Variants in GNAI1 observed in about 807,000 individuals in gnomAD.
GNAI1 encodes the protein G protein subunit alpha i1.
Under a neutral mutation model 38.9 loss-of-function variants are expected in GNAI1, and 11 were observed. The ratio of observed to expected loss-of-function variants is 0.28; its 90% CI spans 0.18 to 0.47. The LOEUF (loss-of-function observed/expected upper bound fraction) is 0.47, where lower values mean the gene tolerates loss of function less well. Ranked by LOEUF, GNAI1 falls within the 20% of genes least tolerant of loss-of-function variation. GNAI1 has a pLI of 0.99. For missense variants in GNAI1, 317 were observed against 436.9 expected, an observed-to-expected ratio of 0.73 and a Z score of 2.45; for synonymous variants, 166 against 145.1, an observed-to-expected ratio of 1.14 and a Z score of -1.04.
chr7:80,180,791 A>G (rs1484644085), intron 1 of GNAI1, among the ~76,000 whole-genome samples: 2 of 152,108 alleles, frequency 1.3e-5, no homozygotes, highest in East Asian at 1.9e-4. Flanking sequence ...TTTAACTCTC[A>G]AAAGTCCCTA....
At position 80,224,792 on chromosome 7, in the gene GNAI1, A is replaced by G. The variant is rs1789132417; in HGVS notation, c.*7299A>G. On this transcript the variant is annotated 3_prime_UTR_variant, in exon 8 of 8. Transcript: ENST00000649796. ...GTGAGTTGGCCTATTAGTGTAAAAT[A>G]CAAGAGTTCAGATACACAGAATTTA... Among the ~76,000 whole-genome samples the G allele has an allele frequency of 1.3e-5, 2 of 152,232 alleles. No individual in the cohort carries two copies. Among genetic ancestry groups the G allele is most frequent in the African/African-American group, 4.8e-5 (2 of 41,474 alleles).
intron 1 of GNAI1, among the ~76,000 whole-genome samples, chr7:80,163,966 CTTTTTTT>C (rs1313381597): frequency 1.3e-5 from 1 of 75,034 alleles, no homozygotes; most frequent in Non-Finnish European, 2.7e-5. Context: ...CTGGTGCTTT[CTTTTTTT>C]TTTTTTTTTG....
At chr7:80,158,789 C>T (rs1294012965) in intron 1 of GNAI1, among the ~76,000 whole-genome samples, 5 of 152,220 alleles carry the variant, frequency 3.3e-5, no homozygotes, top group Admixed American at 3.3e-4. Flanking sequence ...GCTATTCAAG[C>T]CAGCCTCAGG....
At chr7:80,204,147 G>A (rs1044323236) in intron 5 of GNAI1, among the ~76,000 whole-genome samples, 1 of 149,626 alleles carries the variant, frequency 6.7e-6, no homozygotes, top group Non-Finnish European at 1.5e-5. Context: ...CTGTGTTTTC[G>A]GAAAGTGTTG....
chr7:80,225,930 C>G lies in GNAI1; in HGVS notation c.*8437C>G, dbSNP rs1353024641. 6.6e-6 allele frequency among the ~76,000 whole-genome samples: 1 copy of G among 150,894 alleles called. No homozygotes were observed. Among genetic ancestry groups the G allele is most frequent in the Non-Finnish European group, 1.5e-5 (1 of 67,300 alleles). ...GAGAATGATTATTTTCTACTTGATA[C>G]AGTGTGCATCAAATAAAAGTTTACT... is the stretch of plus-strand genomic sequence containing the variant. On this transcript the variant is annotated 3_prime_UTR_variant, in exon 8 of 8. Coordinates refer to ENST00000649796, the MANE Select transcript of GNAI1 (RefSeq NM_002069.6).
Position 80,219,059 on chromosome 7 carries a change from G to GTA in GNAI1, c.*1567_*1568dup, listed in dbSNP as rs1562847589. Reference sequence around the variant, plus strand: ...TGTGTGTGTGTGTGTGTGTGTGTGTGTAACCATAAACTATATTCATATCTG... The same window carrying GTA: ...TGTGTGTGTGTGTGTGTGTGTGTGTGTATAACCATAAACTATATTCATATCTG... On this transcript the variant is annotated 3_prime_UTR_variant, in exon 8 of 8. Transcript: ENST00000649796. 1 of 151,424 alleles carries GTA rather than the reference G, an allele frequency of 6.6e-6. No individual in the cohort carries two copies. The highest frequency in any genetic ancestry group is 1.9e-4 in the East Asian group (1 of 5,162). The allele number at this position is 151,424 out of a possible 1,614,324, so 9.4% of individuals were successfully genotyped here.
intron 4 of GNAI1, among the ~76,000 whole-genome samples, chr7:80,202,445 G>C (rs1337485373): frequency 6.6e-6 from 1 of 152,164 alleles, no homozygotes; most frequent in African/African-American, 2.4e-5. Context: ...TTTTAAATAA[G>C]AGTAGCTCAT....
At chr7:80,208,213 G>A (rs1056074499) in intron 5 of GNAI1, among the ~76,000 whole-genome samples, 2 of 151,850 alleles carry the variant, frequency 1.3e-5, no homozygotes, top group East Asian at 3.9e-4. Context: ...ATGTGATGTT[G>A]GTTTAAACTC....
chr7:80,165,719 T>C (rs527908057), intron 1 of GNAI1, among the ~76,000 whole-genome samples: 1 of 152,244 alleles, frequency 6.6e-6, no homozygotes, highest in African/African-American at 2.4e-5. Context: ...CTAGAAGTAG[T>C]TTTTAGTATA....
chr7:80,217,191 A>AATGAAAGTGT, intron 7 of GNAI1, 112 bp from the exon 8 acceptor site: 1 of 152,438 alleles, frequency 6.6e-6, no homozygotes, highest in Non-Finnish European at 1.1e-5. Context: ...GGAGTCCATG[A>AATGAAAGTGT]ATGAAACTGT....
At chr7:80,187,100 A>G (rs942151840) in intron 1 of GNAI1, 2 of 152,130 alleles carry the variant, frequency 1.3e-5, no homozygotes, top group African/African-American at 4.8e-5. Flanking sequence ...ATATCAAACC[A>G]CAAGTAAAAT....
At chr7:80,207,681 G>C (rs1788798988) in intron 5 of GNAI1, among the ~76,000 whole-genome samples, 2 of 149,292 alleles carry the variant, frequency 1.3e-5, no homozygotes, top group Non-Finnish European at 2.9e-5. Flanking sequence ...GGGAACTCTT[G>C]AGTGTGGTCA....
At chr7:80,182,656 T>G (rs1329092962) in intron 1 of GNAI1, among the ~76,000 whole-genome samples, 3 of 152,176 alleles carry the variant, frequency 2.0e-5, no homozygotes, top group Non-Finnish European at 4.4e-5. Flanking sequence ...GAATCCTCTT[T>G]ACAAAAATAG....
At chr7:80,157,936 T>C (rs570722342) in intron 1 of GNAI1, among the ~76,000 whole-genome samples, 1 of 152,154 alleles carries the variant, frequency 6.6e-6, no homozygotes, top group Non-Finnish European at 1.5e-5. Flanking sequence ...CTTGAACTCC[T>C]GACCTCAAGT....
rs74776640 is a variant in GNAI1 at position 80,163,628 on chromosome 7, G to T, written c.119-25323G>T. Among the ~76,000 whole-genome samples, 43 of 152,304 alleles carry T rather than the reference G, an allele frequency of 2.8e-4. 1 individual carries two copies. The East Asian group carries it at 8.3e-3, about 29-fold the overall frequency. On this transcript the variant is annotated intron_variant, in intron 1 of 7. Coordinates refer to ENST00000649796, the MANE Select transcript of GNAI1 (RefSeq NM_002069.6). The stretch of plus-strand genomic sequence containing the variant: ...TTAGCCCATTATTGTTGAATTTTGA[G>T]ATATTTAGAGACAGTAGTTTTCCTT...
At chr7:80,155,543 C>T (rs1458375225) in intron 1 of GNAI1, among the ~76,000 whole-genome samples, 1 of 152,048 alleles carries the variant, frequency 6.6e-6, no homozygotes, top group Non-Finnish European at 1.5e-5. Flanking sequence ...GCTTACCTTC[C>T]TTAAATGTAT....
chr7:80,196,097 G>C (rs898753982), intron 3 of GNAI1, among the ~76,000 whole-genome samples: 2 of 151,980 alleles, frequency 1.3e-5, no homozygotes, highest in African/African-American at 4.8e-5. Context: ...GATATCCCCT[G>C]ACCACCGCTT....
At chr7:80,152,252 G>A (rs1649109515) in intron 1 of GNAI1, among the ~76,000 whole-genome samples, 1 of 152,130 alleles carries the variant, frequency 6.6e-6, no homozygotes, top group African/African-American at 2.4e-5. Context: ...TTTCATGTGT[G>A]CATTTGCAGT....
intron 5 of GNAI1, among the ~76,000 whole-genome samples, chr7:80,206,234 A>G (rs1250692920): frequency 6.6e-6 from 1 of 152,094 alleles, no homozygotes; most frequent in Non-Finnish European, 1.5e-5. Context: ...CAAAAAACAA[A>G]CATTGACCTG....
Sources: gnomAD v4.1 joint callset for allele counts (sites outside exome capture counted in the v4.1 genomes callset) on GRCh38, gnomAD v4.1.1 for gene constraint, MANE v1.5 for transcripts, NCBI Gene and HGNC (gene_info 2026-07-23, HGNC 2026-07-21) for gene names.